Variants in ERC2 observed in about 807,000 individuals in gnomAD.
ERC2 encodes ERC protein 2.
ERC2 carries 42 observed loss-of-function variants against 114.8 expected under a neutral mutation model. The ratio of observed to expected loss-of-function variants is 0.37; its 90% CI spans 0.29 to 0.47. ERC2 has a LOEUF of 0.47. Among genes scored for constraint, ERC2 ranks in the 20% least tolerant of loss-of-function variants. The probability of loss-of-function intolerance (pLI) is 0.99; values close to 1 mark genes in which losing one functional copy is unlikely to be tolerated. For missense variants in ERC2, 939 were observed against 1,150.7 expected (o/e 0.82, Z 2.66); for synonymous variants, 454 against 425.5 (o/e 1.07, Z -0.82).
chr3:56,013,497 G>A (rs2073100011), intron 8 of ERC2, among the ~76,000 whole-genome samples: 1 of 152,098 alleles, frequency 6.6e-6, no homozygotes, highest in African/African-American at 2.4e-5. Context: ...ACTGGCCTTG[G>A]GATAGTCCAG....
At chr3:55,823,133 A>AT (rs1371045241) in intron 14 of ERC2, among the ~76,000 whole-genome samples, 1 of 152,162 alleles carries the variant, frequency 6.6e-6, no homozygotes, top group East Asian at 1.9e-4. Flanking sequence ...GGTCCACTCA[A>AT]TTACATTTTA....
chr3:56,433,084 G>A (rs1045041377), intron 2 of ERC2, among the ~76,000 whole-genome samples: 4 of 151,944 alleles, frequency 2.6e-5, no homozygotes, highest in African/African-American at 9.7e-5. Context: ...AAGCTGAGGT[G>A]TGGAGGATCA....
At chr3:56,315,952 G>A (rs1044794361) in intron 2 of ERC2, among the ~76,000 whole-genome samples, 10 of 151,908 alleles carry the variant, frequency 6.6e-5, no homozygotes, top group African/African-American at 1.2e-4. Flanking sequence ...AATTTAAATC[G>A]AAGTAAGCCC....
At chr3:55,770,806 C>A (rs1267209627) in intron 14 of ERC2, among the ~76,000 whole-genome samples, 1 of 151,844 alleles carries the variant, frequency 6.6e-6, no homozygotes, top group Non-Finnish European at 1.5e-5. Context: ...TGCCCCCCAC[C>A]CCTGACAGGC....
chr3:56,277,172 G>C (rs2054061129), intron 3 of ERC2, among the ~76,000 whole-genome samples: 1 of 152,176 alleles, frequency 6.6e-6, no homozygotes. Context: ...TCTCGCCCTT[G>C]ATGGCCCTGT....
At chr3:55,782,831 A>G (rs2069167453) in intron 14 of ERC2, among the ~76,000 whole-genome samples, 1 of 152,234 alleles carries the variant, frequency 6.6e-6, no homozygotes, top group South Asian at 2.1e-4. Context: ...CAGCTTGGAA[A>G]TAGCCACTGA....
chr3:55,645,266 A>G (rs9858357), intron 17 of ERC2, among the ~76,000 whole-genome samples: 3,469 of 152,310 alleles, frequency 0.023, 128 homozygotes, highest in African/African-American at 0.078. Context: ...TGTCTTCCCA[A>G]TCAGGTTGTG....
At chr3:56,211,612 T>A (rs150823135) in intron 3 of ERC2, among the ~76,000 whole-genome samples, 103 of 152,012 alleles carry the variant, frequency 6.8e-4, no homozygotes, top group Middle Eastern at 6.8e-3. Flanking sequence ...CTAAAATTCA[T>A]GTGGAACCAA....
chr3:55,898,865 C>T (rs2063972039), intron 13 of ERC2, among the ~76,000 whole-genome samples: 1 of 152,162 alleles, frequency 6.6e-6, no homozygotes, highest in South Asian at 2.1e-4. Flanking sequence ...CTTACTTAGG[C>T]TAAATTCCAA....
chr3:56,310,286 C>CGA (rs1224175229), intron 2 of ERC2, among the ~76,000 whole-genome samples: 20 of 152,122 alleles, frequency 1.3e-4, no homozygotes, highest in African/African-American at 4.8e-4. Context: ...GAAACGATAG[C>CGA]TAAAATAGAA....
rs1241813518 is a variant in ERC2 at position 55,510,345 on chromosome 3, G to A, written c.*971C>T. On this transcript the variant is annotated 3_prime_UTR_variant, in exon 18 of 18. Coordinates refer to ENST00000288221, the MANE Select transcript of ERC2 (RefSeq NM_015576.3). ...ACTGTTTGCACAGCATTTGGATCTTGAAATGTGAATGAGTCCCAGCTTCTT... is the reference window on the plus strand; with the variant it reads ...ACTGTTTGCACAGCATTTGGATCTTAAAATGTGAATGAGTCCCAGCTTCTT... 2 of 152,164 alleles carry A rather than the reference G, an allele frequency of 1.3e-5. No individual in the cohort carries two copies. Among genetic ancestry groups the A allele is most frequent in the African/African-American group, 4.8e-5 (2 of 41,362 alleles). 9.4% of individuals were successfully genotyped at this position (152,164 alleles called of 1,614,324 possible). A position where few individuals can be genotyped will look rare whatever the true frequency, so the allele number is the denominator to read the frequency against.
rs147630874 is a variant in ERC2 at position 56,198,718 on chromosome 3, T to C, written c.1075-25198A>G. 2.7e-3 allele frequency among the ~76,000 whole-genome samples: 406 copies of C among 152,340 alleles called. 1 individual carries two copies. The highest frequency in any genetic ancestry group is 0.018 in the South Asian group (87 of 4,828). ...AGGCCTCTGACGTTCAGTCAAAATA[T>C]GCCCAGTTGGCAGTGGGAGCGTGGA... is the stretch of plus-strand genomic sequence containing the variant. On this transcript the variant is annotated intron_variant, in intron 3 of 17. Transcript: ENST00000288221.
chr3:55,849,217 G>A (rs1286867150), intron 14 of ERC2, among the ~76,000 whole-genome samples: 3 of 152,040 alleles, frequency 2.0e-5, no homozygotes, highest in African/African-American at 7.3e-5. Context: ...ACCACCATAT[G>A]AATCCAGATT....
At chr3:56,368,644 T>C (rs973356634) in intron 2 of ERC2, among the ~76,000 whole-genome samples, 1 of 152,172 alleles carries the variant, frequency 6.6e-6, no homozygotes, top group African/African-American at 2.4e-5. Context: ...GGCCCATGTG[T>C]TCAGGGATTT....
intron 1 of ERC2, among the ~76,000 whole-genome samples, chr3:56,463,828 A>G (rs1276255157): frequency 6.6e-6 from 1 of 152,212 alleles, no homozygotes; most frequent in African/African-American, 2.4e-5. Context: ...GCATCCAAGA[A>G]GTCCTTCCTT....
At chr3:55,765,505 C>T (rs1469326172) in intron 14 of ERC2, among the ~76,000 whole-genome samples, 1 of 152,172 alleles carries the variant, frequency 6.6e-6, no homozygotes, top group African/African-American at 2.4e-5. Flanking sequence ...CACCCAATGA[C>T]GTAGCATGTG....
intron 3 of ERC2, among the ~76,000 whole-genome samples, chr3:56,242,895 A>T (rs1420380062): frequency 1.3e-5 from 2 of 152,200 alleles, no homozygotes; most frequent in Non-Finnish European, 1.5e-5. Flanking sequence ...CTGACCTAAA[A>T]GTAGGATATC....
intron 7 of ERC2, among the ~76,000 whole-genome samples, chr3:56,038,698 G>A (rs1379339306): frequency 2.6e-5 from 4 of 152,176 alleles, no homozygotes; most frequent in Non-Finnish European, 5.9e-5. Flanking sequence ...GCCCATCAGT[G>A]ATAGATTGGA....
At chr3:55,851,310 T>C (rs551260038) in intron 14 of ERC2, among the ~76,000 whole-genome samples, 58 of 152,222 alleles carry the variant, frequency 3.8e-4, no homozygotes, top group Non-Finnish European at 6.8e-4. Context: ...TTCTCAGCAT[T>C]CTCTATGGTC....
Sources: allele counts gnomAD v4.1 joint callset (sites outside exome capture counted in the v4.1 genomes callset), GRCh38; gene constraint gnomAD v4.1.1; transcripts MANE v1.5; gene names NCBI Gene and HGNC (gene_info 2026-07-23, HGNC 2026-07-21).